The following GMPR variants were observed in gnomAD, a reference collection of about 807,000 sequenced individuals.
The protein encoded by GMPR is GMP reductase 1.
GMPR carries 31 observed loss-of-function variants against 38.4 expected under a neutral mutation model. The ratio of observed to expected loss-of-function variants is 0.81; its 90% confidence interval spans 0.61 to 1.09. GMPR has a LOEUF of 1.09. GMPR is among the 50% of genes least tolerant of loss of function. GMPR has a pLI of 0.00. For synonymous variants in GMPR, 162 were observed against 173.3 expected (o/e 0.93, Z 0.51); for missense variants, 468 against 453.7 (o/e 1.03, Z -0.29).
intron 8 of GMPR, among the ~76,000 whole-genome samples, chr6:16,292,632 A>T (rs1301339170): frequency 1.3e-5 from 2 of 152,178 alleles, no homozygotes; most frequent in Non-Finnish European, 2.9e-5. Flanking sequence ...TGTTGTCATC[A>T]TCCAAGGGCC....
At chr6:16,266,415 T>G (rs1255222010) in intron 4 of GMPR, among the ~76,000 whole-genome samples, 2 of 89,950 alleles carry the variant, frequency 2.2e-5, no homozygotes, top group African/African-American at 8.1e-5. Context: ...GCTGTAACAC[T>G]CACTGTGAAA....
In GMPR at chr6:16,244,879, G is replaced by A. The variant is rs770570667; in HGVS notation, c.88-1963G>A. On this transcript the variant is annotated intron_variant, in intron 1 of 8. Transcript: ENST00000259727. Reference sequence around the variant, plus strand: ...AGCTCATAAAAAGGACTGGAAATGAGGGGAAGCGTTTACTGTTAAGGCTGC... The same window carrying A: ...AGCTCATAAAAAGGACTGGAAATGAAGGGAAGCGTTTACTGTTAAGGCTGC... Among the ~76,000 whole-genome samples, 201 of 152,148 alleles carry A rather than the reference G, an allele frequency of 1.3e-3. 1 individual carries two copies. Among genetic ancestry groups the A allele is most frequent in the Non-Finnish European group, 1.8e-4 (12 of 68,032 alleles).
intron 1 of GMPR, among the ~76,000 whole-genome samples, chr6:16,239,983 C>A (rs780071945): frequency 1.3e-5 from 2 of 152,112 alleles, no homozygotes; most frequent in Non-Finnish European, 2.9e-5. Flanking sequence ...AAAGAGGGGG[C>A]CTCTCTTGGA....
chr6:16,251,016 GT>G (rs1758864415), intron 3 of GMPR, among the ~76,000 whole-genome samples: 1 of 152,162 alleles, frequency 6.6e-6, no homozygotes, highest in South Asian at 2.1e-4. Context: ...GAGTTGCCAT[GT>G]GACCCAGCAA....
chr6:16,255,473 A>G (rs1057347283), intron 4 of GMPR, among the ~76,000 whole-genome samples: 2 of 152,208 alleles, frequency 1.3e-5, no homozygotes. Flanking sequence ...AGTCTACGTT[A>G]TGAACATTTC....
At chr6:16,265,869 C>T (rs557416955) in intron 4 of GMPR, among the ~76,000 whole-genome samples, 8 of 152,334 alleles carry the variant, frequency 5.3e-5, no homozygotes, top group South Asian at 4.1e-4. Flanking sequence ...TCTTTGGGTC[C>T]ACGCGACGTT....
intron 3 of GMPR, among the ~76,000 whole-genome samples, chr6:16,252,104 T>G (rs6459466): frequency 0.56 from 84,837 of 152,144 alleles, 26,726 homozygotes; most frequent in East Asian, 0.92. Context: ...TGGTTTTGGA[T>G]ATAAAATAAT....
At chr6:16,261,649 G>A (rs1759087888) in intron 4 of GMPR, among the ~76,000 whole-genome samples, 1 of 152,014 alleles carries the variant, frequency 6.6e-6, no homozygotes, top group African/African-American at 2.4e-5. Context: ...GAATTATAAG[G>A]AGAGTTTATA....
intron 1 of GMPR, among the ~76,000 whole-genome samples, chr6:16,242,469 A>C (rs1758669688): frequency 6.6e-6 from 1 of 151,730 alleles, no homozygotes; most frequent in African/African-American, 2.4e-5. Flanking sequence ...CCAGTCCAAG[A>C]TGTTGGCAGG....
rs546450494 is a variant in GMPR at position 16,289,848 on chromosome 6, A to ATTTTTTTTTTTTTTTTTTTTTT, written c.698-598_698-577dup. ...AACTTGCTTTCTAAGATACTGCCCA[A>ATTTTTTTTTTTTTTTTTTTTTT]TTTTTTTTTTTTTTTTTTTTTTTTT... On this transcript the variant is annotated intron_variant, in intron 7 of 8. Coordinates refer to ENST00000259727, the MANE Select transcript of GMPR (RefSeq NM_006877.4). 3.3e-4 allele frequency: 21 copies of ATTTTTTTTTTTTTTTTTTTTTT among 63,188 alleles called. 2 individuals carry two copies. Among genetic ancestry groups the ATTTTTTTTTTTTTTTTTTTTTT allele is most frequent in the African/African-American group, 9.9e-4 (14 of 14,178 alleles). The allele number at this position is 63,188 out of a possible 1,614,324, so 3.9% of individuals were successfully genotyped here.
intron 3 of GMPR, among the ~76,000 whole-genome samples, chr6:16,253,990 G>C (rs1381210812): frequency 6.6e-6 from 1 of 152,050 alleles, no homozygotes; most frequent in Admixed American, 6.6e-5. Context: ...GAGTGCAATG[G>C]CACAATCTCG....
intron 4 of GMPR, among the ~76,000 whole-genome samples, chr6:16,273,932 C>T (rs1759431735): frequency 6.6e-6 from 1 of 151,304 alleles, no homozygotes; most frequent in Admixed American, 6.6e-5. Context: ...TGTCCTGCCT[C>T]AGCCTCCTGA....
At chr6:16,290,355 TG>T in intron 7 of GMPR, 106 bp from the exon 8 acceptor site, 2 of 950,414 alleles carry the variant, frequency 2.1e-6, no homozygotes, top group Non-Finnish European at 3.4e-6. Context: ...TGACTATAGC[TG>T]GGCGGGGAGG....
At chr6:16,245,003 G>T (rs996247782) in intron 1 of GMPR, among the ~76,000 whole-genome samples, 1 of 152,134 alleles carries the variant, frequency 6.6e-6, no homozygotes, top group African/African-American at 2.4e-5. Context: ...GAGTGTAGCA[G>T]CTAGCCCCAT....
At chr6:16,266,612 C>T (rs1561827525) in intron 4 of GMPR, among the ~76,000 whole-genome samples, 2 of 151,484 alleles carry the variant, frequency 1.3e-5, no homozygotes, top group African/African-American at 4.8e-5. Context: ...ACCATCCTGG[C>T]TAACACGGTG....
At chr6:16,289,530 C>T (rs193047318) in intron 7 of GMPR, 25 of 152,418 alleles carry the variant, frequency 1.6e-4, no homozygotes, top group African/African-American at 5.0e-4. Flanking sequence ...TTCAGTACCT[C>T]TGTCTCCTGT....
At chr6:16,244,285 T>A (rs1388363152) in intron 1 of GMPR, among the ~76,000 whole-genome samples, 2 of 150,852 alleles carry the variant, frequency 1.3e-5, no homozygotes, top group Non-Finnish European at 2.9e-5. Context: ...TGATCATGGC[T>A]CACTGCAGCC....
intron 4 of GMPR, among the ~76,000 whole-genome samples, chr6:16,268,147 C>T (rs1310438394): frequency 1.3e-5 from 2 of 152,198 alleles, no homozygotes. Context: ...CTGTATTCAC[C>T]CACTTTCTGG....
intron 6 of GMPR, among the ~76,000 whole-genome samples, chr6:16,285,033 C>A (rs6907255): frequency 0.14 from 14,992 of 107,316 alleles, 1,046 homozygotes; most frequent in Non-Finnish European, 0.15. Context: ...AAAAAAAAAA[C>A]AAAAAAAAAA....
Sources: gnomAD v4.1 joint callset for allele counts (sites outside exome capture counted in the v4.1 genomes callset) on GRCh38, gnomAD v4.1.1 for gene constraint, MANE v1.5 for transcripts, NCBI Gene and HGNC (gene_info 2026-07-23, HGNC 2026-07-21) for gene names.